ANKRD30B: variants seen among roughly 807,000 people sequenced by gnomAD.
ANKRD30B encodes the protein ankyrin repeat domain 30B.
Under a neutral mutation model 202.2 loss-of-function variants are expected in ANKRD30B, and 144 were observed. The observed-to-expected ratio is 0.71, with a 90% CI of 0.62 to 0.82. The LOEUF is 0.82. Among genes scored for constraint, ANKRD30B ranks in the 40% least tolerant of loss-of-function variants. The probability of loss-of-function intolerance (pLI) is 0.00; values close to 1 mark genes in which losing one functional copy is unlikely to be tolerated. For missense variants in ANKRD30B, 1,487 were observed against 1,669.1 expected (o/e 0.89, Z 1.90); for synonymous variants, 508 against 561.3 (o/e 0.91, Z 1.34).
At chr18:14,881,147 T>C in the ANKRD30B span, among the ~76,000 whole-genome samples, 146,383 of 152,136 alleles carry the variant, frequency 0.96, 70,711 homozygotes, top group Middle Eastern at 1. Context: ...TGAGAGTAGG[T>C]TCCTCATCTT....
At chr18:14,858,780 G>C (rs1405717340), downstream of ANKRD30B, among the ~76,000 whole-genome samples, 5 of 134,554 alleles carry the variant, frequency 3.7e-5, no homozygotes, top group African/African-American at 1.4e-4. Flanking sequence ...AGGCAGAGGG[G>C]CTCCTCACCT....
At chr18:14,829,235 T>C (rs903173676) in intron 33 of ANKRD30B, among the ~76,000 whole-genome samples, 4 of 152,314 alleles carry the variant, frequency 2.6e-5, no homozygotes, top group African/African-American at 9.6e-5. Context: ...CAAAATACTT[T>C]CATATTTTAA....
chr18:14,810,205 C>G (rs373711967), intron 28 of ANKRD30B, 25 bp downstream of exon 28: 1 of 1,270,600 alleles, frequency 7.9e-7, no homozygotes, highest in East Asian at 2.6e-5. Flanking sequence ...TTAAATTTTA[C>G]TCTGGAATTA....
chr18:14,831,767 A>G (rs888481023), intron 34 of ANKRD30B, among the ~76,000 whole-genome samples: 5 of 152,350 alleles, frequency 3.3e-5, no homozygotes, highest in African/African-American at 1.2e-4. Context: ...AAACTTTTCC[A>G]CAATAGAGAA....
intron 4 of ANKRD30B, among the ~76,000 whole-genome samples, chr18:14,757,174 G>T (rs548709334): frequency 6.6e-6 from 1 of 152,244 alleles, no homozygotes; most frequent in South Asian, 2.1e-4. Context: ...ATAGGTGAAT[G>T]ATAAAGAGAA....
At chr18:14,881,943 T>A in the ANKRD30B span, among the ~76,000 whole-genome samples, 1 of 152,160 alleles carries the variant, frequency 6.6e-6, no homozygotes, top group East Asian at 1.9e-4. Flanking sequence ...TGGTGTCAGT[T>A]GTAATATCCC....
At chr18:14,760,668 G>C (rs765138480) in intron 6 of ANKRD30B, 50 bp downstream of exon 6, 305 of 1,323,088 alleles carry the variant, frequency 2.3e-4, no homozygotes, top group Non-Finnish European at 2.8e-4. Flanking sequence ...CATAAGATTA[G>C]GGAAGTGCTG....
chr18:14,907,459 G>T, the ANKRD30B span, among the ~76,000 whole-genome samples: 1 of 152,144 alleles, frequency 6.6e-6, no homozygotes, highest in African/African-American at 2.4e-5. Context: ...GCCCTGGGCA[G>T]TGATGTCCCA....
chr18:14,754,981 C>G lies in ANKRD30B; in HGVS notation c.593C>G (p.Ala198Gly). 6.5e-7 allele frequency: 1 copy of G among 1,540,084 alleles called. No homozygotes were observed. The highest frequency in any genetic ancestry group is 8.8e-7 in the Non-Finnish European group (1 of 1,142,126). The change falls in exon 4 of 44, where the codon GCA (alanine) becomes GGA (glycine). Residue 198 changes from alanine (A) to glycine (G), a missense_variant. Ala to Gly is a moderately conservative substitution (Grantham distance 60). Coordinates refer to ENST00000690538, the MANE Select transcript of ANKRD30B (RefSeq NM_001367607.2). Reference protein sequence around the residue: ...VEFLLTKNANANAFNESKCTA... With the variant: ...VEFLLTKNANGNAFNESKCTA... ...TTTTTACTAACAAAAAATGCAAATG[C>G]AAACGCATTTAATGAGTCTAAATGG...
intron 15 of ANKRD30B, among the ~76,000 whole-genome samples, chr18:14,788,551 C>G (rs573893138): frequency 1.3e-5 from 2 of 152,090 alleles, no homozygotes; most frequent in African/African-American, 4.8e-5. Flanking sequence ...CCGCTCCCCC[C>G]ACCCCACAAC....
chr18:14,784,723 T>TAA (rs139528038), intron 14 of ANKRD30B, among the ~76,000 whole-genome samples, 188 bp downstream of exon 14: 16 of 152,142 alleles, frequency 1.1e-4, no homozygotes, highest in African/African-American at 3.1e-4. Context: ...ATATTTTTTT[T>TAA]AAAAAAATGT....
At chr18:14,841,480 A>G (rs1193204305) in intron 37 of ANKRD30B, among the ~76,000 whole-genome samples, 1 of 152,176 alleles carries the variant, frequency 6.6e-6, no homozygotes, top group Admixed American at 6.6e-5. Context: ...CAGGGTCAAG[A>G]GAAAGCATTA....
the ANKRD30B span, among the ~76,000 whole-genome samples, chr18:14,885,280 T>C: frequency 6.6e-6 from 1 of 152,066 alleles, no homozygotes; most frequent in African/African-American, 2.4e-5. Context: ...GCAAAGACTT[T>C]CTCATGTATC....
the ANKRD30B span, among the ~76,000 whole-genome samples, chr18:14,861,375 C>T: frequency 0.13 from 19,719 of 151,806 alleles, 1,483 homozygotes; most frequent in Admixed American, 0.19. Flanking sequence ...CTTTGAGAGA[C>T]CCATCTCATG....
At chr18:14,836,442 C>G (rs944482626) in intron 34 of ANKRD30B, among the ~76,000 whole-genome samples, 1 of 151,966 alleles carries the variant, frequency 6.6e-6, no homozygotes, top group African/African-American at 2.4e-5. Flanking sequence ...CAGTCACACA[C>G]CTAATTTTGT....
At position 14,809,865 on chromosome 18, in the gene ANKRD30B, C is replaced by A. The variant is rs917097566; in HGVS notation, c.2387-121C>A. The A allele has an allele frequency of 1.0e-5, 10 of 995,116 alleles. 1 individual carries two copies. Among genetic ancestry groups the A allele is most frequent in the Non-Finnish European group, 1.2e-5 (8 of 645,310 alleles). 61.6% of individuals were successfully genotyped at this position (995,116 alleles called of 1,614,324 possible). Reference sequence around the variant, plus strand: ...ACAATAACCCAAAAGACCCCAAAACCTAGTGTAATCCCTTTTCAATCCAAG... The same window carrying A: ...ACAATAACCCAAAAGACCCCAAAACATAGTGTAATCCCTTTTCAATCCAAG... On this transcript the variant is annotated intron_variant, in intron 26 of 43. Coordinates refer to ENST00000690538, the MANE Select transcript of ANKRD30B (RefSeq NM_001367607.2).
downstream of ANKRD30B, among the ~76,000 whole-genome samples, chr18:14,856,046 T>G (rs1245977584): frequency 2.1e-5 from 2 of 93,416 alleles, no homozygotes; most frequent in South Asian, 4.0e-4. Flanking sequence ...CCACATGGGG[T>G]GGCCGGGCAG....
intron 30 of ANKRD30B, chr18:14,816,610 A>T (rs545427484): frequency 3.1e-4 from 45 of 144,276 alleles, no homozygotes; most frequent in African/African-American, 1.2e-3. Flanking sequence ...ATGCACCTAC[A>T]CTCCAGCCTG....
intron 24 of ANKRD30B, among the ~76,000 whole-genome samples, chr18:14,805,680 A>G (rs1422937714): frequency 1.3e-5 from 2 of 150,976 alleles, no homozygotes; most frequent in Non-Finnish European, 3.0e-5. Flanking sequence ...GTAATGATAT[A>G]AATTATTATA....
Sources: allele counts gnomAD v4.1 joint callset (sites outside exome capture counted in the v4.1 genomes callset), GRCh38; gene constraint gnomAD v4.1.1; transcripts MANE v1.5; gene names NCBI Gene and HGNC (gene_info 2026-07-23, HGNC 2026-07-21).